Variants in KIF1B observed in about 807,000 individuals in gnomAD.
KIF1B encodes the protein kinesin family member 1B, also known as kinesin-like protein KIF1B.
In KIF1B, 76 loss-of-function variants were observed where a neutral mutation model predicts 241.9. The observed-to-expected ratio is 0.31, with a 90% CI of 0.26 to 0.38. KIF1B has a LOEUF of 0.38. Ranked by LOEUF, KIF1B falls within the 10% of genes least tolerant of loss-of-function variation. KIF1B has a pLI of 1.00. For synonymous variants in KIF1B, 750 were observed against 796.7 expected (o/e 0.94, Z 0.99); for missense variants, 1,622 against 2,271.4 (o/e 0.71, Z 5.81).
chr1:10,304,468 C>T (rs757702990), intron 22 of KIF1B: 12 of 1,610,092 alleles, frequency 7.5e-6, no homozygotes, highest in African/African-American at 1.3e-5. Context: ...CCATATTCAT[C>T]AACACCGTCA....
At chr1:10,355,609 C>T (rs1652947761) in intron 38 of KIF1B, among the ~76,000 whole-genome samples, 1 of 152,144 alleles carries the variant, frequency 6.6e-6, no homozygotes, top group African/African-American at 2.4e-5. Flanking sequence ...ATTTGCTAAA[C>T]TTGTCAGTTT....
intron 4 of KIF1B, among the ~76,000 whole-genome samples, chr1:10,259,606 G>A (rs1282562225): frequency 6.6e-6 from 1 of 151,630 alleles, no homozygotes; most frequent in African/African-American, 2.4e-5. Context: ...GGGTTCAAGT[G>A]ATTCTCCTGC....
intron 22 of KIF1B, chr1:10,305,823 C>T (rs1003635755): frequency 1.6e-5 from 17 of 1,052,632 alleles, no homozygotes; most frequent in Non-Finnish European, 2.0e-5. Context: ...TTATTTTCTA[C>T]ATCGTTCCTC....
chr1:10,358,102 C>CA (rs541043240), intron 38 of KIF1B, among the ~76,000 whole-genome samples: 6,698 of 84,928 alleles, frequency 0.079, 167 homozygotes, highest in Middle Eastern at 0.21. Context: ...AAGTCCAAAG[C>CA]AAAAAAAAAA....
At chr1:10,331,380 GT>G (rs1314014926) in intron 27 of KIF1B, among the ~76,000 whole-genome samples, 1 of 152,156 alleles carries the variant, frequency 6.6e-6, no homozygotes, top group East Asian at 1.9e-4. Context: ...TCATTCTTAC[GT>G]TTTTTTACAC....
intron 15 of KIF1B, among the ~76,000 whole-genome samples, chr1:10,284,077 C>A: frequency 6.6e-6 from 1 of 152,140 alleles, no homozygotes; most frequent in East Asian, 1.9e-4. Context: ...TTACTTACTT[C>A]AAAAGTACAG....
intron 27 of KIF1B, among the ~76,000 whole-genome samples, chr1:10,328,312 T>G (rs916348889): frequency 2.2e-4 from 33 of 152,228 alleles, no homozygotes; most frequent in African/African-American, 8.0e-4. Context: ...AAAAGCTTTT[T>G]TGATAGAAAT....
intron 22 of KIF1B, chr1:10,304,393 G>A (rs550366864): frequency 5.6e-6 from 9 of 1,614,138 alleles, no homozygotes; most frequent in South Asian, 1.1e-5. Context: ...ATCTGCCTCC[G>A]CGGAGTCATT....
Position 10,337,517 on chromosome 1 carries a change from A to G in KIF1B, c.3406A>G (p.Ile1136Val). The G allele has an allele frequency of 1.9e-6, 3 of 1,614,214 alleles. No individual in the cohort carries two copies. Among genetic ancestry groups the G allele is most frequent in the Non-Finnish European group, 2.5e-6 (3 of 1,180,038 alleles). ...TGGAATCCTCCCAGAGTATGCAGAT[A>G]TCTTCTGTCAGTTCAAGTAAGCTGC... Reference protein sequence around the residue: ...ASGILPEYADIFCQFNFLHRH... With the variant: ...ASGILPEYADVFCQFNFLHRH... Residue 1136 changes from isoleucine to valine, a missense_variant, in exon 31 of 49, where the codon ATC becomes GTC. This residue lies in a region of KIF1B where 803 missense variants were observed against 1,112.0 expected (regional missense o/e 0.72). Transcript: ENST00000676179. The surrounding 1 kb of genome is among the most constrained non-coding windows in gnomAD (Gnocchi z 4.0).
chr1:10,336,807 C>G, intron 29 of KIF1B, 65 bp downstream of exon 29: 1 of 1,449,964 alleles, frequency 6.9e-7, no homozygotes, highest in Admixed American at 1.7e-5. Context: ...CATTGGAGAT[C>G]AGTTCTCCTG....
At chr1:10,225,675 A>G (rs1039205007) in intron 1 of KIF1B, among the ~76,000 whole-genome samples, 3 of 152,192 alleles carry the variant, frequency 2.0e-5, no homozygotes, top group Non-Finnish European at 2.9e-5. Context: ...GGAAAGGGAA[A>G]GTTGGAGCAA....
At chr1:10,259,460 A>T (rs1330915381) in intron 4 of KIF1B, among the ~76,000 whole-genome samples, 1 of 150,964 alleles carries the variant, frequency 6.6e-6, no homozygotes, top group Non-Finnish European at 1.5e-5. Context: ...GACTAAAGCC[A>T]TGTGCCACCA....
At chr1:10,353,490 C>T (rs1396953636) in intron 38 of KIF1B, among the ~76,000 whole-genome samples, 6 of 152,158 alleles carry the variant, frequency 3.9e-5, no homozygotes, top group African/African-American at 1.2e-4. Context: ...GGCTCCGTCT[C>T]TATATCCTAG....
intron 14 of KIF1B, among the ~76,000 whole-genome samples, chr1:10,281,874 G>A (rs1649421294): frequency 6.6e-6 from 1 of 152,096 alleles, no homozygotes; most frequent in Non-Finnish European, 1.5e-5. Flanking sequence ...AGACCAATAT[G>A]GATTATTATT....
chr1:10,277,721 T>C (rs530654453), intron 12 of KIF1B, among the ~76,000 whole-genome samples: 1 of 152,306 alleles, frequency 6.6e-6, no homozygotes, highest in Admixed American at 6.5e-5. Context: ...CTTGATGTAA[T>C]GGAATAAACA....
At chr1:10,226,264 T>G (rs898380628) in intron 1 of KIF1B, among the ~76,000 whole-genome samples, 4 of 152,168 alleles carry the variant, frequency 2.6e-5, no homozygotes, top group Admixed American at 6.6e-5. Context: ...CTGGTATTGT[T>G]TTGGGGATAG....
intron 2 of KIF1B, among the ~76,000 whole-genome samples, chr1:10,247,470 C>T (rs1350711355): frequency 6.6e-6 from 1 of 152,208 alleles, no homozygotes; most frequent in African/African-American, 2.4e-5. Flanking sequence ...TTGTCTCATG[C>T]TGTCATTAGA....
At position 10,295,735 on chromosome 1, in the gene KIF1B, C is replaced by T. The variant is rs1163136523; in HGVS notation, c.1746C>T (p.Ile582=). The part of the protein sequence containing the change: ...SGAHIKEEHC[I]FRSERSNSGE... ...CTCACATTAAAGAAGAGCATTGTAT[C>T]TTCCGGAGTGAGAGAAGCAACAGCG... Residue 582 remains isoleucine, a synonymous_variant, in exon 19 of 49, where the codon ATC becomes ATT. Transcript: ENST00000676179. 1.9e-6 allele frequency: 3 copies of T among 1,613,732 alleles called. No homozygotes were observed. The highest frequency in any genetic ancestry group is 2.7e-5 in the African/African-American group (2 of 74,904).
intron 22 of KIF1B, 87 bp downstream of exon 22, chr1:10,297,333 A>C: frequency 8.6e-7 from 1 of 1,157,296 alleles, no homozygotes; most frequent in Non-Finnish European, 1.3e-6. Context: ...ACTCACCCAA[A>C]TTGCTTCTGT....
Sources: gnomAD v4.1 joint callset for allele counts (sites outside exome capture counted in the v4.1 genomes callset) on GRCh38, gnomAD v4.1.1 for gene constraint, gnomAD v4.1.1 regional missense constraint, Gnocchi (gnomAD v3.1) non-coding constraint, MANE v1.5 for transcripts, NCBI Gene and HGNC (gene_info 2026-07-23, HGNC 2026-07-21) for gene names.